The following CDC42SE2 variants were observed in gnomAD, a reference collection of about 807,000 sequenced individuals.
CDC42SE2 encodes the protein CDC42 small effector protein 2.
In CDC42SE2, 3 loss-of-function variants were observed where a neutral mutation model predicts 11.5. That is an observed-to-expected ratio of 0.26 (90% CI 0.12 to 0.67). The LOEUF (loss-of-function observed/expected upper bound fraction) is 0.67. Among genes scored for constraint, CDC42SE2 ranks in the 30% least tolerant of loss-of-function variants. The pLI is 0.80. For missense variants in CDC42SE2, 82 were observed against 106.8 expected (o/e 0.77, Z 1.02); for synonymous variants, 33 against 34.8 (o/e 0.95, Z 0.18).
chr5:131,269,922 G>A lies in CDC42SE2; in HGVS notation c.-455+5756G>A, dbSNP rs991687451. Among the ~76,000 whole-genome samples, 27 of 149,670 alleles carry A rather than the reference G, an allele frequency of 1.8e-4. No homozygotes were observed. In the East Asian group the frequency reaches 2.0e-3, roughly 11 times the overall value. On this transcript the variant is annotated intron_variant, in intron 1 of 4. Transcript: ENST00000505065. The stretch of plus-strand genomic sequence containing the variant: ...CTAAAAATACAAGAGTTAGCCGGGC[G>A]CGGTGGCTCAGGCCTGTAATCCCAG...
At chr5:131,271,262 A>G (rs1336528017) in intron 1 of CDC42SE2, among the ~76,000 whole-genome samples, 2 of 152,188 alleles carry the variant, frequency 1.3e-5, no homozygotes, top group Non-Finnish European at 2.9e-5. Flanking sequence ...TCATAGACAC[A>G]ATTTCATTAA....
intron 3 of CDC42SE2, among the ~76,000 whole-genome samples, chr5:131,371,084 A>T (rs1750002196): frequency 6.6e-6 from 1 of 152,242 alleles, no homozygotes; most frequent in African/African-American, 2.4e-5. Flanking sequence ...TTAGAACTTA[A>T]GTAATTATCT....
At chr5:131,273,129 C>CAT (rs893402632) in intron 1 of CDC42SE2, among the ~76,000 whole-genome samples, 60 of 149,550 alleles carry the variant, frequency 4.0e-4, no homozygotes, top group African/African-American at 1.2e-3. Context: ...GAATTATATA[C>CAT]ATATATATAT....
At chr5:131,353,426 T>G (rs559135818) in intron 2 of CDC42SE2, among the ~76,000 whole-genome samples, 37 of 151,978 alleles carry the variant, frequency 2.4e-4, no homozygotes, top group African/African-American at 8.4e-4. Context: ...GGATTACAGG[T>G]GCATGCCACC....
At chr5:131,283,021 G>A (rs1261490989) in intron 1 of CDC42SE2, among the ~76,000 whole-genome samples, 2 of 149,736 alleles carry the variant, frequency 1.3e-5, no homozygotes, top group Non-Finnish European at 3.0e-5. Context: ...TCCACCTCCC[G>A]GGTTCAAGCG....
At chr5:131,311,187 C>G (rs1757901723) in intron 1 of CDC42SE2, among the ~76,000 whole-genome samples, 1 of 151,760 alleles carries the variant, frequency 6.6e-6, no homozygotes, top group South Asian at 2.1e-4. Flanking sequence ...GATTTTATTT[C>G]TCCTTCACTT....
the CDC42SE2 span, among the ~76,000 whole-genome samples, chr5:131,224,161 A>G: frequency 6.6e-6 from 1 of 152,202 alleles, no homozygotes; most frequent in East Asian, 1.9e-4. Context: ...CTTTCTTAAA[A>G]ATCTCATCTG....
At chr5:131,312,220 GC>G (rs1757935668) in intron 1 of CDC42SE2, among the ~76,000 whole-genome samples, 1 of 151,570 alleles carries the variant, frequency 6.6e-6, no homozygotes, top group Non-Finnish European at 1.5e-5. Context: ...GTGTCAGTGT[GC>G]CCCTGCTGGG....
Position 131,394,539 on chromosome 5 carries a change from C to T in CDC42SE2, c.*3448C>T, listed in dbSNP as rs1458806443. On this transcript the variant is annotated 3_prime_UTR_variant, in exon 5 of 5. Transcript: ENST00000505065. The stretch of plus-strand genomic sequence containing the variant: ...CTAAGCACCCAGAAGATAAAATTGA[C>T]ATATTTTTATAATATAAGCATACTT... The T allele has an allele frequency of 6.6e-6, 1 of 152,328 alleles. No homozygotes were observed. Among genetic ancestry groups the T allele is most frequent in the African/African-American group, 2.4e-5 (1 of 41,442 alleles). The allele number at this position is 152,328 out of a possible 1,614,324, so 9.4% of individuals were successfully genotyped here. A position where few individuals can be genotyped will look rare whatever the true frequency, so the allele number is the denominator to read the frequency against.
intron 3 of CDC42SE2, among the ~76,000 whole-genome samples, chr5:131,380,900 GC>G: frequency 6.6e-6 from 1 of 152,278 alleles, no homozygotes; most frequent in South Asian, 2.1e-4. Context: ...GTCCCCTGCA[GC>G]GTGTCTTCTC....
chr5:131,240,514 A>ACAAG (rs1756532164), upstream of CDC42SE2, among the ~76,000 whole-genome samples: 1 of 152,252 alleles, frequency 6.6e-6, no homozygotes, highest in African/African-American at 2.4e-5. Context: ...AAACAAACAA[A>ACAAG]CAAAACACAA....
intron 2 of CDC42SE2, among the ~76,000 whole-genome samples, chr5:131,353,598 A>G (rs886142949): frequency 6.6e-6 from 1 of 152,078 alleles, no homozygotes; most frequent in Non-Finnish European, 1.5e-5. Context: ...TTAAATTGAC[A>G]TTTCATTTAA....
intron 1 of CDC42SE2, among the ~76,000 whole-genome samples, chr5:131,302,538 A>T (rs1473557263): frequency 6.7e-6 from 1 of 150,128 alleles, no homozygotes; most frequent in African/African-American, 2.5e-5. Flanking sequence ...CTGGTCTTGA[A>T]CTCCTGACCT....
chr5:131,302,638 A>G (rs746001545), intron 1 of CDC42SE2, among the ~76,000 whole-genome samples: 11 of 152,138 alleles, frequency 7.2e-5, no homozygotes, highest in Non-Finnish European at 1.5e-4. Context: ...CTTAACTGCT[A>G]TTCTATACTG....
chr5:131,233,294 T>A, the CDC42SE2 span, among the ~76,000 whole-genome samples: 1 of 152,130 alleles, frequency 6.6e-6, no homozygotes, highest in Non-Finnish European at 1.5e-5. Context: ...AAATGGCCAT[T>A]GTATGCATGT....
chr5:131,328,740 C>T (rs934443537), intron 2 of CDC42SE2, among the ~76,000 whole-genome samples: 3 of 152,050 alleles, frequency 2.0e-5, no homozygotes, highest in Non-Finnish European at 2.9e-5. Context: ...GTGTCCCTTG[C>T]GGGGTATTAG....
chr5:131,264,243 G>A (rs1284616118), intron 1 of CDC42SE2, 77 bp downstream of exon 1: 1 of 152,198 alleles, frequency 6.6e-6, no homozygotes, highest in Non-Finnish European at 1.5e-5. Flanking sequence ...GGGTCCCGAA[G>A]CCCCGAACCC....
intron 1 of CDC42SE2, among the ~76,000 whole-genome samples, chr5:131,265,797 C>T (rs1756846860): frequency 6.6e-6 from 1 of 152,154 alleles, no homozygotes; most frequent in Admixed American, 6.5e-5. Context: ...GGGAGGAAGA[C>T]ATTTAATAAG....
chr5:131,241,416 G>A (rs1756539968), upstream of CDC42SE2, among the ~76,000 whole-genome samples: 1 of 151,980 alleles, frequency 6.6e-6, no homozygotes. Context: ...AGGCCTCAAA[G>A]TTATATATTT....
Sources: allele counts gnomAD v4.1 joint callset (sites outside exome capture counted in the v4.1 genomes callset), GRCh38; gene constraint gnomAD v4.1.1; transcripts MANE v1.5; gene names NCBI Gene and HGNC (gene_info 2026-07-23, HGNC 2026-07-21).